The following SHANK2 variants were observed in gnomAD, a reference collection of about 807,000 sequenced individuals.
SHANK2 encodes the protein SH3 and multiple ankyrin repeat domains 2, also known as SH3 and multiple ankyrin repeat domains protein 2.
Under a neutral mutation model 133.7 loss-of-function variants are expected in SHANK2, and 43 were observed. The ratio of observed to expected loss-of-function variants is 0.32; its 90% CI spans 0.25 to 0.41. The LOEUF is 0.41. Ranked by LOEUF, SHANK2 falls within the 10% of genes least tolerant of loss-of-function variation. The probability of loss-of-function intolerance (pLI) is 1.00; values close to 1 mark genes in which losing one functional copy is unlikely to be tolerated. For synonymous variants in SHANK2, 1,017 were observed against 952.8 expected (o/e 1.07, Z -1.24); for missense variants, 1,994 against 2,235.8 (o/e 0.89, Z 2.18).
At chr11:71,126,123 C>G (rs1952179641) in intron 3 of SHANK2, among the ~76,000 whole-genome samples, 1 of 130,902 alleles carries the variant, frequency 7.6e-6, no homozygotes. Context: ...GAGGCTGAGG[C>G]AGGAGAATTG....
chr11:70,793,881 T>G (rs1947850317), intron 14 of SHANK2, among the ~76,000 whole-genome samples: 1 of 152,214 alleles, frequency 6.6e-6, no homozygotes, highest in African/African-American at 2.4e-5. Context: ...TTTAGCAGGT[T>G]CATTCATATT....
At chr11:70,527,791 TAGGACAG>T (rs1183647894) in intron 17 of SHANK2, among the ~76,000 whole-genome samples, 3 of 152,200 alleles carry the variant, frequency 2.0e-5, no homozygotes, top group African/African-American at 7.2e-5. Flanking sequence ...TTCAGGAGGC[TAGGACAG>T]AGGACAGAGG....
intron 2 of SHANK2, among the ~76,000 whole-genome samples, chr11:71,206,455 G>A (rs781860048): frequency 3.9e-5 from 6 of 152,076 alleles, no homozygotes; most frequent in Non-Finnish European, 5.9e-5. Flanking sequence ...GCACAGGAGC[G>A]TAAATATTTA....
chr11:70,536,661 G>A (rs1447599291), intron 17 of SHANK2, among the ~76,000 whole-genome samples: 10 of 152,230 alleles, frequency 6.6e-5, no homozygotes, highest in African/African-American at 2.2e-4. Flanking sequence ...AGACACCTCA[G>A]GCTTGGCTCT....
At chr11:70,809,513 T>C (rs1350440291) in intron 12 of SHANK2, among the ~76,000 whole-genome samples, 1 of 152,196 alleles carries the variant, frequency 6.6e-6, no homozygotes, top group African/African-American at 2.4e-5. Context: ...TGCTCTGTGC[T>C]TGTATAAAGT....
chr11:71,097,531 G>A (rs556769349), intron 6 of SHANK2, among the ~76,000 whole-genome samples: 9 of 152,310 alleles, frequency 5.9e-5, no homozygotes, highest in South Asian at 4.2e-4. Flanking sequence ...CTCCCTCAAC[G>A]TGAACAACGG....
At chr11:71,097,942 G>A (rs148569582) in intron 6 of SHANK2, among the ~76,000 whole-genome samples, 19 of 151,434 alleles carry the variant, frequency 1.3e-4, no homozygotes, top group Non-Finnish European at 2.1e-4. Context: ...TTGTGTGCAC[G>A]CCTGTGTGTC....
At chr11:70,813,048 T>C (rs192523475) in intron 12 of SHANK2, among the ~76,000 whole-genome samples, 10 of 152,222 alleles carry the variant, frequency 6.6e-5, no homozygotes, top group Admixed American at 6.5e-4. Context: ...ATCCAGCAAG[T>C]ACTCTGCGGG....
chr11:71,213,583 G>T (rs530930648), intron 2 of SHANK2, among the ~76,000 whole-genome samples: 5 of 152,128 alleles, frequency 3.3e-5, no homozygotes, highest in Non-Finnish European at 7.4e-5. Context: ...GCCATGTGGG[G>T]CATTAGACCT....
intron 2 of SHANK2, among the ~76,000 whole-genome samples, chr11:71,171,560 T>C (rs530766888): frequency 6.9e-4 from 105 of 152,298 alleles, no homozygotes; most frequent in African/African-American, 2.4e-3. Context: ...AGGATGAGTG[T>C]GTCCAGCCCA....
At chr11:70,783,927 C>T (rs898132847) in intron 14 of SHANK2, among the ~76,000 whole-genome samples, 6 of 152,180 alleles carry the variant, frequency 3.9e-5, no homozygotes, top group Non-Finnish European at 7.3e-5. Context: ...GGTCATCTCC[C>T]AGATGCCTGC....
chr11:71,077,849 C>T (rs1487650730), intron 8 of SHANK2, among the ~76,000 whole-genome samples: 1 of 152,138 alleles, frequency 6.6e-6, no homozygotes, highest in Non-Finnish European at 1.5e-5. Flanking sequence ...AAATACAGTA[C>T]AGGAGAAAAC....
chr11:70,502,637 G>T (rs1261488158), intron 18 of SHANK2, among the ~76,000 whole-genome samples, 159 bp downstream of exon 18: 1 of 152,086 alleles, frequency 6.6e-6, no homozygotes, highest in African/African-American at 2.4e-5. Context: ...ATTGTCGTGG[G>T]CTCTGGCGGT....
chr11:70,706,299 C>T (rs531749033), intron 14 of SHANK2, among the ~76,000 whole-genome samples: 16 of 152,316 alleles, frequency 1.1e-4, no homozygotes, highest in East Asian at 7.7e-4. Flanking sequence ...TGGTGCATAG[C>T]GGGCACTCAG....
chr11:70,771,417 T>C (rs1947247331), intron 14 of SHANK2, among the ~76,000 whole-genome samples: 2 of 152,138 alleles, frequency 1.3e-5, no homozygotes, highest in African/African-American at 4.8e-5. Context: ...CCCAGGGCAG[T>C]GGCATCTGGA....
At chr11:70,836,416 G>A (rs1555060066) in intron 11 of SHANK2, among the ~76,000 whole-genome samples, 3 of 152,202 alleles carry the variant, frequency 2.0e-5, no homozygotes, top group African/African-American at 2.4e-5. Context: ...CAGCTGTCTT[G>A]AAGGCCAGCA....
chr11:70,590,769 C>CA (rs57234694), intron 17 of SHANK2, among the ~76,000 whole-genome samples: 3,018 of 139,600 alleles, frequency 0.022, 75 homozygotes, highest in African/African-American at 0.065. Context: ...ACTGGGAAAC[C>CA]AAAAAAAAAA....
chr11:70,549,063 C>CT (rs1484853073), intron 17 of SHANK2, among the ~76,000 whole-genome samples: 7 of 152,184 alleles, frequency 4.6e-5, no homozygotes, highest in African/African-American at 1.7e-4. Context: ...GACCACGCCT[C>CT]TGTTGTTCTA....
intron 17 of SHANK2, among the ~76,000 whole-genome samples, chr11:70,510,479 T>C (rs2059190375): frequency 6.6e-6 from 1 of 152,170 alleles, no homozygotes; most frequent in Non-Finnish European, 1.5e-5. Context: ...CAGGGCTAAC[T>C]GGGGCATGTA....
Sources: allele counts gnomAD v4.1 joint callset (sites outside exome capture counted in the v4.1 genomes callset), GRCh38; gene constraint gnomAD v4.1.1; transcripts MANE v1.5; gene names NCBI Gene and HGNC (gene_info 2026-07-23, HGNC 2026-07-21).